GATA4: variants seen among roughly 807,000 people sequenced by gnomAD.
GATA4 encodes the protein GATA binding protein 4, also known as transcription factor GATA-4.
GATA4 carries 7 observed loss-of-function variants against 37.9 expected under a neutral mutation model. The observed-to-expected ratio is 0.18, with a 90% CI of 0.11 to 0.35. The LOEUF is 0.35. GATA4 is among the 10% of genes least tolerant of loss of function. The pLI, the probability that GATA4 is intolerant of heterozygous loss-of-function variation, is 1.00. For synonymous variants in GATA4, 372 were observed against 292.6 expected (o/e 1.27, Z -2.77); for missense variants, 647 against 653.0 (o/e 0.99, Z 0.10).
chr8:11,678,586 G>A (rs372539012), intron 1 of GATA4, among the ~76,000 whole-genome samples: 19 of 152,308 alleles, frequency 1.2e-4, no homozygotes, highest in East Asian at 3.9e-4. Context: ...AGGGAAAGCC[G>A]TATTATGTAA....
upstream of GATA4, among the ~76,000 whole-genome samples, chr8:11,699,754 C>T (rs1485059388): frequency 3.3e-5 from 5 of 152,218 alleles, no homozygotes; most frequent in East Asian, 3.8e-4. Flanking sequence ...CTATGGTGTC[C>T]GTCCTGAACT....
At chr8:11,726,369 G>T (rs1223426066) in intron 2 of GATA4, among the ~76,000 whole-genome samples, 1 of 152,202 alleles carries the variant, frequency 6.6e-6, no homozygotes, top group African/African-American at 2.4e-5. Flanking sequence ...AGAAGGCCAG[G>T]AAGCGAGAGA....
At chr8:11,698,156 C>T (rs1293299765) in intron 1 of GATA4, among the ~76,000 whole-genome samples, 1 of 152,248 alleles carries the variant, frequency 6.6e-6, no homozygotes, top group African/African-American at 2.4e-5. Context: ...CCCAGCTCGC[C>T]TTAACTTCCC....
Position 11,749,966 on chromosome 8 carries a change from G to A in GATA4, c.787-145G>A, listed in dbSNP as rs527814275. On this transcript the variant is annotated intron_variant, in intron 3 of 6. Coordinates refer to ENST00000532059, the MANE Select transcript of GATA4 (RefSeq NM_001308093.3). This position sits in a 1 kb window ranked among gnomAD's most constrained non-coding sequence, Gnocchi z 4.6. The stretch of plus-strand genomic sequence containing the variant: ...GCAGGTGACAGGAGAGTTAGGTGCC[G>A]TCACAGGTCAGAGATCTCATGCAGG... 26 of 1,075,652 alleles carry A rather than the reference G, an allele frequency of 2.4e-5. No homozygotes were observed. The highest frequency in any genetic ancestry group is 2.8e-4 in the Middle Eastern group (1 of 3,518). The allele number at this position is 1,075,652 out of a possible 1,614,324, so 66.6% of individuals were successfully genotyped here. A position where few individuals can be genotyped will look rare whatever the true frequency, so the allele number is the denominator to read the frequency against.
At chr8:11,747,958 C>T (rs1216968074) in intron 2 of GATA4, among the ~76,000 whole-genome samples, 1 of 152,164 alleles carries the variant, frequency 6.6e-6, no homozygotes, top group Non-Finnish European at 1.5e-5. Flanking sequence ...CTCACAAGGC[C>T]GGGTGTGGTG....
upstream of GATA4, among the ~76,000 whole-genome samples, chr8:11,699,355 C>G (rs1319206182): frequency 2.0e-5 from 3 of 152,168 alleles, no homozygotes; most frequent in Non-Finnish European, 4.4e-5. Flanking sequence ...TAGCAAAGCC[C>G]CATATGTGAA....
intron 2 of GATA4, among the ~76,000 whole-genome samples, chr8:11,745,583 C>G (rs1801990950): frequency 6.6e-6 from 1 of 151,770 alleles, no homozygotes. Context: ...GAGACCCTGT[C>G]TCACAAAAAG....
chr8:11,692,394 G>C (rs1799341598), upstream of GATA4: 3 of 537,878 alleles, frequency 5.6e-6, no homozygotes, highest in African/African-American at 2.1e-5. Flanking sequence ...TTATACGCAG[G>C]TGTATTTACG....
At chr8:11,744,048 C>T (rs145126834) in intron 2 of GATA4, among the ~76,000 whole-genome samples, 1 of 152,310 alleles carries the variant, frequency 6.6e-6, no homozygotes, top group East Asian at 1.9e-4. Flanking sequence ...TGAACGCGGT[C>T]AGCCTTGCTG....
In GATA4 at chr8:11,748,987, A is replaced by C; in HGVS notation, c.688A>C (p.Arg230=). 1 of 1,614,162 alleles carries C rather than the reference A, an allele frequency of 6.2e-7. No individual in the cohort carries two copies. Among genetic ancestry groups the C allele is most frequent in the Non-Finnish European group, 8.5e-7 (1 of 1,180,008 alleles). ...NCGAMSTPLW[R]RDGTGHYLCN... ...TGGGGCTATGTCCACCCCGCTCTGG[A>C]GGCGAGATGGGACGGGTCACTATCT... The change falls in exon 3 of 7, where the codon AGG becomes CGG. Residue 230 remains arginine, a synonymous_variant. Coordinates refer to ENST00000532059, the MANE Select transcript of GATA4 (RefSeq NM_001308093.3).
At chr8:11,682,715 G>T (rs1375840814) in intron 1 of GATA4, among the ~76,000 whole-genome samples, 1 of 152,220 alleles carries the variant, frequency 6.6e-6, no homozygotes, top group Admixed American at 6.5e-5. Context: ...TGTCTCCTCT[G>T]CAATGATTGC....
intron 2 of GATA4, among the ~76,000 whole-genome samples, chr8:11,729,287 C>T (rs1250320021): frequency 6.6e-6 from 1 of 151,934 alleles, no homozygotes; most frequent in Non-Finnish European, 1.5e-5. Context: ...AGAAAAAATG[C>T]AGCTGGGCGC....
At chr8:11,743,844 G>A (rs1436933270) in intron 2 of GATA4, among the ~76,000 whole-genome samples, 2 of 152,122 alleles carry the variant, frequency 1.3e-5, no homozygotes, top group South Asian at 2.1e-4. Flanking sequence ...ATACTGCACC[G>A]GCTCGCTGAG....
intron 5 of GATA4, 43 bp from the exon 6 acceptor site, chr8:11,756,892 T>C (rs752969373): frequency 6.2e-7 from 1 of 1,614,076 alleles, no homozygotes; most frequent in Non-Finnish European, 8.5e-7. Flanking sequence ...TGTTCGTTTG[T>C]CCCTGCCGCT....
intron 1 of GATA4, among the ~76,000 whole-genome samples, chr8:11,682,377 TC>T (rs1289116010): frequency 6.6e-6 from 1 of 152,260 alleles, no homozygotes; most frequent in Non-Finnish European, 1.5e-5. Context: ...AGTAGTGCTA[TC>T]ATAATAATGA....
chr8:11,701,834 T>A (rs1246028559), upstream of GATA4, among the ~76,000 whole-genome samples: 3 of 65,106 alleles, frequency 4.6e-5, no homozygotes, highest in Non-Finnish European at 9.1e-5. Flanking sequence ...GCGGAAGGTG[T>A]GGGTAAAGGA....
At chr8:11,696,945 T>C (rs1799525829) in intron 1 of GATA4, among the ~76,000 whole-genome samples, 1 of 152,222 alleles carries the variant, frequency 6.6e-6, no homozygotes, top group Non-Finnish European at 1.5e-5. Context: ...CTGCAGAGAC[T>C]TCCTGGGGGA....
At chr8:11,731,130 C>T (rs527508668) in intron 2 of GATA4, among the ~76,000 whole-genome samples, 2 of 152,358 alleles carry the variant, frequency 1.3e-5, no homozygotes, top group East Asian at 3.9e-4. Context: ...CTACCACTGC[C>T]TCTGAGTTTC....
chr8:11,756,800 A>G, intron 5 of GATA4, 135 bp from the exon 6 acceptor site: 1 of 1,173,052 alleles, frequency 8.5e-7, no homozygotes, highest in Non-Finnish European at 1.3e-6. Context: ...CTCCGCAGAT[A>G]AGGACCTCTG....
Sources: gnomAD v4.1 joint callset for allele counts (sites outside exome capture counted in the v4.1 genomes callset) on GRCh38, gnomAD v4.1.1 for gene constraint, Gnocchi (gnomAD v3.1) non-coding constraint, MANE v1.5 for transcripts, NCBI Gene and HGNC (gene_info 2026-07-23, HGNC 2026-07-21) for gene names.